TMTC2: variants seen among roughly 807,000 people sequenced by gnomAD.
The protein encoded by TMTC2 is protein O-mannosyl-transferase TMTC2.
A neutral mutation model predicts 82.4 loss-of-function variants in TMTC2; 43 were observed. The observed-to-expected ratio is 0.52, with a 90% CI of 0.41 to 0.67. The LOEUF is 0.67. Ranked by LOEUF, TMTC2 falls within the 30% of genes least tolerant of loss-of-function variation. TMTC2 has a pLI of 0.00. For missense variants in TMTC2, 919 were observed against 1,012.4 expected (o/e 0.91, Z 1.25); for synonymous variants, 408 against 381.9 (o/e 1.07, Z -0.80).
At chr12:82,767,627 T>A (rs536743069) in intron 1 of TMTC2, among the ~76,000 whole-genome samples, 18 of 152,120 alleles carry the variant, frequency 1.2e-4, no homozygotes, top group African/African-American at 4.3e-4. Flanking sequence ...TGGATGTTGG[T>A]CAGTTTTTAT....
chr12:82,757,413 T>C (rs941266410), intron 1 of TMTC2, among the ~76,000 whole-genome samples: 2 of 152,250 alleles, frequency 1.3e-5, no homozygotes, highest in Non-Finnish European at 2.9e-5. Flanking sequence ...GTTTTTCATA[T>C]AATTTATCTT....
intron 3 of TMTC2, among the ~76,000 whole-genome samples, chr12:82,922,963 A>T (rs575504678): frequency 6.6e-6 from 1 of 152,176 alleles, no homozygotes; most frequent in South Asian, 2.1e-4. Context: ...GAATTTAAAC[A>T]TTCTCTTACG....
At chr12:82,889,906 C>A (rs1873309050) in intron 2 of TMTC2, among the ~76,000 whole-genome samples, 1 of 151,292 alleles carries the variant, frequency 6.6e-6, no homozygotes, top group Admixed American at 6.6e-5. Context: ...TCTGTTTTTT[C>A]TTTTATAAAC....
Position 82,970,402 on chromosome 12 carries a change from C to T in TMTC2, c.1948+3405C>T, listed in dbSNP as rs1200024. Among the ~76,000 whole-genome samples, 16 of 152,212 alleles carry T rather than the reference C, an allele frequency of 1.1e-4. No homozygotes were observed. In the South Asian group the frequency reaches 2.5e-3, roughly 24 times the overall value. ...TGCGGACTGCAGTGGCGCAATCTCG[C>T]CTCACTGCAAGCTCCGCTTCCCGGG... On this transcript the variant is annotated intron_variant, in intron 7 of 11. Transcript: ENST00000321196.
intron 8 of TMTC2, among the ~76,000 whole-genome samples, chr12:83,026,535 G>A (rs986333112): frequency 1.3e-5 from 2 of 152,054 alleles, no homozygotes; most frequent in African/African-American, 4.8e-5. Context: ...ACACTACAGA[G>A]TTGGGTAGTT....
chr12:82,987,377 T>C (rs1879197175), intron 8 of TMTC2, among the ~76,000 whole-genome samples: 1 of 126,476 alleles, frequency 7.9e-6, no homozygotes, highest in South Asian at 2.5e-4. Context: ...TGAGCCGAGA[T>C]CATGCTACTA....
intron 1 of TMTC2, among the ~76,000 whole-genome samples, chr12:82,722,940 C>T (rs1234322528): frequency 6.6e-6 from 1 of 152,150 alleles, no homozygotes; most frequent in Non-Finnish European, 1.5e-5. Context: ...TGGATTTCAA[C>T]CTTTCTGCCT....
At chr12:82,768,841 A>G (rs145911868) in intron 1 of TMTC2, among the ~76,000 whole-genome samples, 60 of 152,166 alleles carry the variant, frequency 3.9e-4, no homozygotes, top group African/African-American at 1.4e-3. Flanking sequence ...GGGATCACAC[A>G]CTGCTTAATT....
intron 1 of TMTC2, among the ~76,000 whole-genome samples, chr12:82,716,330 G>T (rs1036124876): frequency 1.3e-4 from 20 of 151,232 alleles, no homozygotes; most frequent in African/African-American, 4.9e-4. Context: ...AGAGTTACTG[G>T]TACATTCACA....
intron 2 of TMTC2, among the ~76,000 whole-genome samples, chr12:82,890,154 A>T (rs1422847204): frequency 1.3e-5 from 2 of 152,038 alleles, no homozygotes; most frequent in Non-Finnish European, 2.9e-5. Context: ...TTTCACTTTA[A>T]TCTTAATTGG....
chr12:82,850,197 A>T (rs1293012874), intron 1 of TMTC2, among the ~76,000 whole-genome samples: 2 of 152,256 alleles, frequency 1.3e-5, no homozygotes, highest in South Asian at 2.1e-4. Flanking sequence ...AATGCTATAT[A>T]AATTCCAAGC....
intron 1 of TMTC2, among the ~76,000 whole-genome samples, chr12:82,852,067 A>G (rs1871003072): frequency 6.6e-6 from 1 of 151,986 alleles, no homozygotes; most frequent in Non-Finnish European, 1.5e-5. Context: ...ACCTGGACAC[A>G]GGCTAAGACT....
chr12:83,064,080 C>A lies in TMTC2; in HGVS notation c.2331+2249C>A, dbSNP rs373287114. 3.3e-5 allele frequency among the ~76,000 whole-genome samples: 5 copies of A among 151,612 alleles called. No homozygotes were observed. In the East Asian group the frequency reaches 9.7e-4, roughly 29 times the overall value. On this transcript the variant is annotated intron_variant, in intron 11 of 11. Transcript: ENST00000321196. ...TAGAATGCTGTGAATATACATAATT[C>A]ATGATAGTTAAATGCAATTGTTTTT...
chr12:82,688,115 G>A (rs1316587693), intron 1 of TMTC2, among the ~76,000 whole-genome samples: 1 of 152,134 alleles, frequency 6.6e-6, no homozygotes, highest in African/African-American at 2.4e-5. Context: ...TTTATTTCCC[G>A]AAGTTAAAAC....
At chr12:82,797,611 A>G (rs1006673203) in intron 1 of TMTC2, among the ~76,000 whole-genome samples, 8 of 152,148 alleles carry the variant, frequency 5.3e-5, no homozygotes, top group African/African-American at 1.9e-4. Context: ...AAAAAATCTC[A>G]GTATCTCTAT....
At chr12:82,700,951 G>A (rs953960087) in intron 1 of TMTC2, among the ~76,000 whole-genome samples, 2 of 152,044 alleles carry the variant, frequency 1.3e-5, no homozygotes, top group African/African-American at 4.8e-5. Context: ...TATGTGCAGG[G>A]GAGCTACCCT....
At chr12:82,910,421 G>T (rs1310993589) in intron 3 of TMTC2, among the ~76,000 whole-genome samples, 5 of 152,176 alleles carry the variant, frequency 3.3e-5, no homozygotes, top group Non-Finnish European at 5.9e-5. Context: ...TGCCTAGGGG[G>T]TGAATGTTTA....
At chr12:82,814,238 T>A (rs1350673684) in intron 1 of TMTC2, among the ~76,000 whole-genome samples, 1 of 152,158 alleles carries the variant, frequency 6.6e-6, no homozygotes, top group South Asian at 2.1e-4. Context: ...GGAAAAAATT[T>A]GTTTTTCAGA....
chr12:83,099,880 A>G (rs1261648313), intron 11 of TMTC2, among the ~76,000 whole-genome samples: 2 of 151,826 alleles, frequency 1.3e-5, no homozygotes, highest in African/African-American at 2.4e-5. Flanking sequence ...TTTTGATAAT[A>G]TGCTATAAAA....
Sources: allele counts gnomAD v4.1 joint callset (sites outside exome capture counted in the v4.1 genomes callset), GRCh38; gene constraint gnomAD v4.1.1; transcripts MANE v1.5; gene names NCBI Gene and HGNC (gene_info 2026-07-23, HGNC 2026-07-21).